The following PDE4B variants were observed in gnomAD, a reference collection of about 807,000 sequenced individuals.
PDE4B encodes 3',5'-cyclic-AMP phosphodiesterase 4B.
PDE4B carries 20 observed loss-of-function variants against 82.2 expected under a neutral mutation model. The observed-to-expected ratio is 0.24, with a 90% confidence interval of 0.17 to 0.35. PDE4B has a LOEUF of 0.35. PDE4B is among the 10% of genes least tolerant of loss of function. The pLI is 1.00. For missense variants in PDE4B, 655 were observed against 907.2 expected, an observed-to-expected ratio of 0.72 and a Z score of 3.57; for synonymous variants, 320 against 318.9, an observed-to-expected ratio of 1.00 and a Z score of -0.04.
At chr1:65,972,111 T>C (rs1429571648) in intron 3 of PDE4B, among the ~76,000 whole-genome samples, 1 of 152,216 alleles carries the variant, frequency 6.6e-6, no homozygotes, top group Non-Finnish European at 1.5e-5. Context: ...ATTTATTGGA[T>C]TTTATGTTTA....
intron 1 of PDE4B, among the ~76,000 whole-genome samples, chr1:65,870,495 G>GT (rs901191009): frequency 6.6e-6 from 1 of 152,028 alleles, no homozygotes; most frequent in Non-Finnish European, 1.5e-5. Flanking sequence ...AATTATTGAG[G>GT]TTTTTTTGAG....
chr1:66,117,558 T>C (rs1170426364), intron 3 of PDE4B, among the ~76,000 whole-genome samples: 1 of 152,192 alleles, frequency 6.6e-6, no homozygotes, highest in Admixed American at 6.5e-5. Context: ...TAGGTTTTTT[T>C]TTTCTAAGTT....
At chr1:66,340,352 T>C (rs1660882691) in intron 8 of PDE4B, among the ~76,000 whole-genome samples, 1 of 152,252 alleles carries the variant, frequency 6.6e-6, no homozygotes, top group Admixed American at 6.5e-5. Flanking sequence ...CTGTTTCTTT[T>C]GTTTCTGCTT....
intron 7 of PDE4B, among the ~76,000 whole-genome samples, chr1:66,323,120 A>G (rs921903633): frequency 6.6e-6 from 1 of 152,124 alleles, no homozygotes; most frequent in Non-Finnish European, 1.5e-5. Flanking sequence ...AAAGAGCTCC[A>G]CCAAGTTTTC....
At chr1:65,919,344 T>C (rs1647198531) in intron 3 of PDE4B, among the ~76,000 whole-genome samples, 1 of 152,234 alleles carries the variant, frequency 6.6e-6, no homozygotes, top group Non-Finnish European at 1.5e-5. Flanking sequence ...CTATGAGAGA[T>C]GCTGGCACTG....
intron 3 of PDE4B, among the ~76,000 whole-genome samples, chr1:66,024,983 A>C (rs1489067965): frequency 6.6e-6 from 1 of 152,000 alleles, no homozygotes; most frequent in Non-Finnish European, 1.5e-5. Flanking sequence ...AAGATTTAAC[A>C]TAAGTATATA....
At position 66,020,989 on chromosome 1, in the gene PDE4B, CTT is replaced by C. The variant is rs1471962781; in HGVS notation, c.281+102158_281+102159del. Reference sequence around the variant, plus strand: ...CTCTCCAGCACCTGTTGTTTCCTGACTTTTTAATGATTGCCATTCTAACTGGT... The same window carrying C: ...CTCTCCAGCACCTGTTGTTTCCTGACTTTAATGATTGCCATTCTAACTGGT... On this transcript the variant is annotated intron_variant, in intron 3 of 16. Coordinates refer to ENST00000341517, the MANE Select transcript of PDE4B (RefSeq NM_002600.4). 4.6e-5 allele frequency among the ~76,000 whole-genome samples: 7 copies of C among 152,282 alleles called. No individual in the cohort carries two copies. In the East Asian group the frequency reaches 1.3e-3, roughly 29 times the overall value.
intron 3 of PDE4B, among the ~76,000 whole-genome samples, chr1:66,003,361 A>C (rs1490628166): frequency 2.1e-5 from 3 of 145,838 alleles, no homozygotes; most frequent in South Asian, 2.2e-4. Flanking sequence ...AAAAAAAAAA[A>C]CATTTATCAT....
At chr1:66,156,827 A>G (rs1466828808) in intron 3 of PDE4B, among the ~76,000 whole-genome samples, 2 of 152,170 alleles carry the variant, frequency 1.3e-5, no homozygotes, top group Non-Finnish European at 2.9e-5. Context: ...CTTCAGACAC[A>G]GTATATTTCA....
At chr1:66,132,247 T>C (rs1310674111) in intron 3 of PDE4B, among the ~76,000 whole-genome samples, 1 of 152,174 alleles carries the variant, frequency 6.6e-6, no homozygotes, top group African/African-American at 2.4e-5. Flanking sequence ...GAAGAGGAGA[T>C]AGTTGGAGAG....
chr1:66,051,512 C>A (rs770730062), intron 3 of PDE4B, among the ~76,000 whole-genome samples: 3 of 152,072 alleles, frequency 2.0e-5, no homozygotes, highest in Non-Finnish European at 4.4e-5. Context: ...GAGAAGATTT[C>A]TTTTCCTTTA....
chr1:66,123,513 C>T (rs2101086067), intron 3 of PDE4B, among the ~76,000 whole-genome samples: 1 of 151,570 alleles, frequency 6.6e-6, no homozygotes, highest in Admixed American at 6.6e-5. Context: ...CTCCTTTCTC[C>T]CTCCTCCCCT....
chr1:66,258,805 A>G (rs1359976605), intron 6 of PDE4B, among the ~76,000 whole-genome samples: 1 of 152,166 alleles, frequency 6.6e-6, no homozygotes, highest in Non-Finnish European at 1.5e-5. Context: ...ACACATTTTC[A>G]TAGAATAGTT....
intron 9 of PDE4B, among the ~76,000 whole-genome samples, chr1:66,357,774 A>G (rs1029593761): frequency 6.6e-6 from 1 of 152,136 alleles, no homozygotes; most frequent in African/African-American, 2.4e-5. Context: ...AATATTAACA[A>G]AAGATGCATC....
chr1:65,802,525 AGTTT>A (rs1645705211), intron 1 of PDE4B, among the ~76,000 whole-genome samples: 2 of 152,188 alleles, frequency 1.3e-5, no homozygotes, highest in South Asian at 2.1e-4. Flanking sequence ...TATGAGAAAT[AGTTT>A]GTTTGTGTTT....
chr1:66,087,889 G>T (rs1644918971), intron 3 of PDE4B, among the ~76,000 whole-genome samples: 1 of 110,434 alleles, frequency 9.1e-6, no homozygotes, highest in Admixed American at 1.1e-4. Flanking sequence ...GAGGGGGGAG[G>T]GATAGCATTG....
intron 1 of PDE4B, among the ~76,000 whole-genome samples, chr1:65,847,108 G>A (rs1646275912): frequency 6.6e-6 from 1 of 152,166 alleles, no homozygotes; most frequent in Non-Finnish European, 1.5e-5. Flanking sequence ...GCTTGCTTTT[G>A]TTATGATCAC....
At position 65,854,215 on chromosome 1, in the gene PDE4B, C is replaced by T. The variant is rs142544050; in HGVS notation, c.-70-59030C>T. On this transcript the variant is annotated intron_variant, in intron 1 of 16. Transcript: ENST00000341517. ...ATATATATATGCAAATATATATATA[C>T]ATTTATTATATACATAATAAATGCA... 2.1e-3 allele frequency among the ~76,000 whole-genome samples: 323 copies of T among 151,308 alleles called. 1 individual carries two copies. The highest frequency in any genetic ancestry group is 7.6e-3 in the African/African-American group (314 of 41,354).
intron 3 of PDE4B, among the ~76,000 whole-genome samples, chr1:66,065,520 G>A (rs1453167498): frequency 6.6e-6 from 1 of 151,734 alleles, no homozygotes; most frequent in African/African-American, 2.4e-5. Context: ...ATTTTTATAC[G>A]TTGCTTTTCT....
Sources: allele counts gnomAD v4.1 joint callset (sites outside exome capture counted in the v4.1 genomes callset), GRCh38; gene constraint gnomAD v4.1.1; transcripts MANE v1.5; gene names NCBI Gene and HGNC (gene_info 2026-07-23, HGNC 2026-07-21).